The following GSK3B variants were observed in gnomAD, a reference collection of about 807,000 sequenced individuals.
The protein encoded by GSK3B is glycogen synthase kinase-3 beta.
GSK3B carries 15 observed loss-of-function variants against 56.4 expected under a neutral mutation model. The ratio of observed to expected loss-of-function variants is 0.27; its 90% CI spans 0.18 to 0.41. The LOEUF is 0.41. Among genes scored for constraint, GSK3B ranks in the 10% least tolerant of loss-of-function variants. The pLI is 1.00. For missense variants in GSK3B, 300 were observed against 513.4 expected (o/e 0.58, Z 4.02); for synonymous variants, 181 against 188.9 (o/e 0.96, Z 0.34).
intron 7 of GSK3B, among the ~76,000 whole-genome samples, chr3:119,887,798 A>C (rs995544103): frequency 1.3e-5 from 2 of 152,242 alleles, no homozygotes; most frequent in Admixed American, 1.3e-4. Flanking sequence ...GAATACTATA[A>C]AAACTCATAA....
chr3:119,863,692 C>A, intron 8 of GSK3B, 87 bp from the exon 9 acceptor site: 1 of 796,144 alleles, frequency 1.3e-6, no homozygotes, highest in Non-Finnish European at 2.0e-6. Flanking sequence ...TTAATTCCCA[C>A]CATGTACAGA....
chr3:119,965,173 C>T (rs1242348693), intron 2 of GSK3B, among the ~76,000 whole-genome samples: 1 of 150,884 alleles, frequency 6.6e-6, no homozygotes, highest in Non-Finnish European at 1.5e-5. Context: ...CTGCCTCAGC[C>T]TCCCAAGTAG....
At chr3:119,982,645 C>A (rs551083829) in intron 2 of GSK3B, among the ~76,000 whole-genome samples, 1 of 151,396 alleles carries the variant, frequency 6.6e-6, no homozygotes, top group Non-Finnish European at 1.5e-5. Flanking sequence ...TGAAATAAAG[C>A]GAGAAGGTTA....
chr3:119,947,626 T>C (rs2057112971), intron 2 of GSK3B, among the ~76,000 whole-genome samples: 5 of 152,134 alleles, frequency 3.3e-5, no homozygotes, highest in Admixed American at 3.3e-4. Flanking sequence ...AAGAATATGG[T>C]AATAAGAATT....
At chr3:119,973,051 T>C (rs1478303029) in intron 2 of GSK3B, among the ~76,000 whole-genome samples, 1 of 152,180 alleles carries the variant, frequency 6.6e-6, no homozygotes, top group Non-Finnish European at 1.5e-5. Flanking sequence ...CTGCTAATCG[T>C]AAAAGCTGCC....
intron 3 of GSK3B, among the ~76,000 whole-genome samples, chr3:119,946,171 T>C (rs1197722457): frequency 6.6e-6 from 1 of 152,040 alleles, no homozygotes; most frequent in Non-Finnish European, 1.5e-5. Flanking sequence ...GTGTAATACA[T>C]GTGTATATAC....
Position 119,873,150 on chromosome 3 carries a change from T to C in GSK3B, c.909+3263A>G, listed in dbSNP as rs73854731. Among the ~76,000 whole-genome samples the C allele has an allele frequency of 4.8e-3, 726 of 152,266 alleles. 3 individuals carry two copies. The highest frequency in any genetic ancestry group is 0.016 in the African/African-American group (682 of 41,564). Reference sequence around the variant, plus strand: ...TTAATGAATTATGTTGCACTGGCTATTGCTATTTATGTAATAGCCCAGGGC... The same window carrying C: ...TTAATGAATTATGTTGCACTGGCTACTGCTATTTATGTAATAGCCCAGGGC... On this transcript the variant is annotated intron_variant, in intron 8 of 10. Transcript: ENST00000264235.
intron 1 of GSK3B, among the ~76,000 whole-genome samples, chr3:120,021,670 A>G (rs1559879793): frequency 6.6e-6 from 1 of 152,240 alleles, no homozygotes; most frequent in Non-Finnish European, 1.5e-5. Flanking sequence ...AATTAGAAAC[A>G]GAGCCTGAAG....
intron 2 of GSK3B, among the ~76,000 whole-genome samples, chr3:119,975,956 A>G (rs1038421637): frequency 1.3e-5 from 2 of 152,168 alleles, no homozygotes; most frequent in Admixed American, 1.3e-4. Context: ...CATAAAAACC[A>G]CCAATAAGCA....
At chr3:119,955,380 T>C (rs780810217) in intron 2 of GSK3B, among the ~76,000 whole-genome samples, 3 of 152,202 alleles carry the variant, frequency 2.0e-5, no homozygotes, top group East Asian at 3.8e-4. Context: ...AAGCCAACTA[T>C]GTGTCAGAAC....
In GSK3B at chr3:119,821,596, GA is replaced by G. The variant is rs2055409574; in HGVS notation, c.*5191del. On this transcript the variant is annotated 3_prime_UTR_variant, in exon 11 of 11. Transcript: ENST00000264235. ...ATTACTAATAGGATGAAAGTTAAAA[GA>G]AAATACAGCCACACCAAATCATGAA... The G allele has an allele frequency of 6.6e-6, 1 of 152,134 alleles. No homozygotes were observed. Among genetic ancestry groups the G allele is most frequent in the African/African-American group, 2.4e-5 (1 of 41,408 alleles). 9.4% of individuals were successfully genotyped at this position (152,134 alleles called of 1,614,324 possible). A position where few individuals can be genotyped will look rare whatever the true frequency, so the allele number is the denominator to read the frequency against.
chr3:119,863,998 A>G (rs1046866767), intron 8 of GSK3B, among the ~76,000 whole-genome samples: 1 of 152,194 alleles, frequency 6.6e-6, no homozygotes, highest in African/African-American at 2.4e-5. Flanking sequence ...TAGCCGAACA[A>G]TTGTTAATGA....
intron 3 of GSK3B, among the ~76,000 whole-genome samples, chr3:119,930,343 G>T (rs751114940): frequency 6.6e-6 from 1 of 151,806 alleles, no homozygotes; most frequent in African/African-American, 2.4e-5. Flanking sequence ...ATTGTGTAAC[G>T]CAATAAGGGG....
intron 2 of GSK3B, among the ~76,000 whole-genome samples, chr3:119,954,708 T>A (rs1201311120): frequency 6.6e-6 from 1 of 152,178 alleles, no homozygotes; most frequent in Admixed American, 6.5e-5. Flanking sequence ...CCAATACTCA[T>A]TAACATATAT....
At chr3:120,074,488 A>G (rs1576311472) in intron 1 of GSK3B, among the ~76,000 whole-genome samples, 1 of 151,306 alleles carries the variant, frequency 6.6e-6, no homozygotes, top group African/African-American at 2.4e-5. Context: ...AGTGGCTGGG[A>G]TTACAGGTGC....
intron 1 of GSK3B, among the ~76,000 whole-genome samples, chr3:120,062,150 ATTTTT>A (rs933239476): frequency 6.6e-6 from 1 of 151,996 alleles, no homozygotes; most frequent in Non-Finnish European, 1.5e-5. Flanking sequence ...ATCTTATTTT[ATTTTT>A]GTTTCTTTAA....
intron 2 of GSK3B, among the ~76,000 whole-genome samples, chr3:120,001,387 A>G (rs1251237353): frequency 6.6e-6 from 1 of 152,078 alleles, no homozygotes; most frequent in Non-Finnish European, 1.5e-5. Flanking sequence ...AATAACAATA[A>G]TAATAATAAT....
chr3:120,082,947 G>T (rs947436893), intron 1 of GSK3B, among the ~76,000 whole-genome samples: 16 of 151,778 alleles, frequency 1.1e-4, no homozygotes, highest in African/African-American at 3.9e-4. Context: ...TATTTCTTCT[G>T]AATAGCTCTA....
intron 1 of GSK3B, among the ~76,000 whole-genome samples, chr3:120,051,583 A>G (rs2058150127): frequency 6.6e-6 from 1 of 152,138 alleles, no homozygotes; most frequent in South Asian, 2.1e-4. Flanking sequence ...CCTGGCCAAC[A>G]TGGCAAAACC....
Sources: allele counts gnomAD v4.1 joint callset (sites outside exome capture counted in the v4.1 genomes callset), GRCh38; gene constraint gnomAD v4.1.1; transcripts MANE v1.5; gene names NCBI Gene and HGNC (gene_info 2026-07-23, HGNC 2026-07-21).